Variants in ZNF407 observed in about 807,000 individuals in gnomAD.
ZNF407 encodes zinc finger protein 407.
In ZNF407, 17 loss-of-function variants were observed where a neutral mutation model predicts 131.2. The ratio of observed to expected loss-of-function variants is 0.13; its 90% confidence interval spans 0.09 to 0.19. ZNF407 has a LOEUF of 0.19. Among genes scored for constraint, ZNF407 ranks in the 10% least tolerant of loss-of-function variants. ZNF407 has a pLI of 1.00. For missense variants in ZNF407, 2,681 were observed against 2,830.6 expected (o/e 0.95, Z 1.20); for synonymous variants, 1,156 against 1,062.0 (o/e 1.09, Z -1.72).
chr18:75,046,784 C>G (rs1973440887), intron 8 of ZNF407, among the ~76,000 whole-genome samples: 1 of 151,460 alleles, frequency 6.6e-6, no homozygotes, highest in Non-Finnish European at 1.5e-5. Flanking sequence ...AAAGCCTTAC[C>G]TCACTCCCTC....
intron 8 of ZNF407, among the ~76,000 whole-genome samples, chr18:74,955,364 C>G (rs1322301606): frequency 6.6e-6 from 1 of 151,968 alleles, no homozygotes; most frequent in Non-Finnish European, 1.5e-5. Context: ...GAGAGTTCAA[C>G]CTAGATTTGG....
chr18:74,961,574 G>T (rs1294062174), intron 8 of ZNF407, among the ~76,000 whole-genome samples: 1 of 152,056 alleles, frequency 6.6e-6, no homozygotes, highest in Non-Finnish European at 1.5e-5. Context: ...CAAAAAATTA[G>T]CTGGGTGTGG....
At chr18:74,836,944 T>TG (rs1313075828) in intron 4 of ZNF407, among the ~76,000 whole-genome samples, 2 of 152,112 alleles carry the variant, frequency 1.3e-5, no homozygotes, top group African/African-American at 4.8e-5. Flanking sequence ...CGAAGATCAG[T>TG]GATGAGGCCC....
At chr18:74,731,756 G>A (rs956849980) in intron 3 of ZNF407, among the ~76,000 whole-genome samples, 1 of 152,142 alleles carries the variant, frequency 6.6e-6, no homozygotes, top group Non-Finnish European at 1.5e-5. Flanking sequence ...TCAAAGTCCA[G>A]GATGCAGAAG....
chr18:74,986,980 A>G (rs1315435490), intron 8 of ZNF407, among the ~76,000 whole-genome samples: 3 of 152,300 alleles, frequency 2.0e-5, no homozygotes, highest in Admixed American at 2.0e-4. Context: ...TTTGTTTAAA[A>G]TATTAGGACT....
At position 74,861,173 on chromosome 18, in the gene ZNF407, A is replaced by G. The variant is rs548294409; in HGVS notation, c.4878-16024A>G. Among the ~76,000 whole-genome samples the G allele has an allele frequency of 3.9e-4, 60 of 152,278 alleles. No homozygotes were observed. In the Middle Eastern group the frequency reaches 0.014, roughly 35 times the overall value. On this transcript the variant is annotated intron_variant, in intron 4 of 8. Transcript: ENST00000299687. ...AGAAAAGCTGATAGTCCAAAATTGC[A>G]CTTTAAGCTAAGACAGACTGTCAGT... is the stretch of plus-strand genomic sequence containing the variant.
At chr18:74,962,300 A>G (rs976950227) in intron 8 of ZNF407, among the ~76,000 whole-genome samples, 3 of 152,216 alleles carry the variant, frequency 2.0e-5, no homozygotes, top group African/African-American at 7.2e-5. Context: ...GATTTCCTCA[A>G]ATACCCCAAA....
At chr18:74,932,474 C>G (rs1347745113) in intron 8 of ZNF407, among the ~76,000 whole-genome samples, 1 of 152,128 alleles carries the variant, frequency 6.6e-6, no homozygotes. Flanking sequence ...CTTCGTGTGT[C>G]CATCTTCTCC....
At chr18:75,010,561 T>C (rs542708831) in intron 8 of ZNF407, among the ~76,000 whole-genome samples, 3 of 152,274 alleles carry the variant, frequency 2.0e-5, no homozygotes, top group Admixed American at 6.5e-5. Context: ...CAATCAGATA[T>C]GGTAAATCGG....
intron 3 of ZNF407, among the ~76,000 whole-genome samples, chr18:74,686,308 TC>T (rs1418083466): frequency 1.3e-5 from 2 of 152,342 alleles, no homozygotes; most frequent in African/African-American, 4.8e-5. Flanking sequence ...TTCTCTCAAA[TC>T]TTTTCCATGT....
intron 4 of ZNF407, among the ~76,000 whole-genome samples, chr18:74,788,168 T>G (rs958953601): frequency 3.9e-5 from 6 of 152,222 alleles, no homozygotes; most frequent in South Asian, 2.1e-4. Context: ...TATTTTTTCC[T>G]TATGGGGAAG....
rs1973669749 is a variant in ZNF407 at position 75,063,678 on chromosome 18, C to G, written c.5957C>G (p.Ser1986Cys). The change falls in exon 9 of 9, where the codon TCC (serine) becomes TGC (cysteine). Residue 1986 changes from serine to cysteine, a missense_variant. By Grantham distance (112) the Ser-to-Cys change is moderately radical (BLOSUM62 -1). This residue lies in a region of ZNF407 where 620 missense variants were observed against 583.1 expected (regional missense o/e 1.06). Coordinates refer to ENST00000299687, the MANE Select transcript of ZNF407 (RefSeq NM_017757.3). The surrounding 1 kb of genome is among the most constrained non-coding windows in gnomAD (Gnocchi z 6.6). The stretch of plus-strand genomic sequence containing the variant: ...GCTGGAGTCGCTCCCCCCGAGGCAT[C>G]CTCAGCCCTGGATGCATTGCTCTGT... ...SEAGVAPPEA[S>C]SALDALLCAV... The G allele has an allele frequency of 6.2e-7, 1 of 1,610,676 alleles. No individual in the cohort carries two copies. Among genetic ancestry groups the G allele is most frequent in the African/African-American group, 1.3e-5 (1 of 74,878 alleles).
At chr18:74,847,250 A>AT (rs1341343555) in intron 4 of ZNF407, among the ~76,000 whole-genome samples, 1 of 152,188 alleles carries the variant, frequency 6.6e-6, no homozygotes, top group African/African-American at 2.4e-5. Flanking sequence ...ACAGCTTTGA[A>AT]GGGTGTTTAT....
At chr18:74,751,359 T>C (rs1968796680) in intron 3 of ZNF407, among the ~76,000 whole-genome samples, 2 of 152,196 alleles carry the variant, frequency 1.3e-5, no homozygotes, top group Admixed American at 1.3e-4. Flanking sequence ...GAAAAGTCTA[T>C]TCTTTTTTTT....
intron 3 of ZNF407, among the ~76,000 whole-genome samples, chr18:74,745,808 G>A (rs1043815297): frequency 1.3e-5 from 2 of 152,158 alleles, no homozygotes; most frequent in Admixed American, 6.5e-5. Context: ...GATGTCTGTT[G>A]TAGCGTCTAA....
intron 8 of ZNF407, among the ~76,000 whole-genome samples, chr18:75,008,268 C>T (rs1423153515): frequency 1.3e-5 from 2 of 152,204 alleles, no homozygotes; most frequent in African/African-American, 4.8e-5. Flanking sequence ...TCAGGAGTGG[C>T]CATAGCCATT....
intron 7 of ZNF407, among the ~76,000 whole-genome samples, chr18:74,904,170 G>A (rs190854557): frequency 5.3e-5 from 8 of 152,274 alleles, no homozygotes; most frequent in Admixed American, 3.3e-4. Context: ...TAGCATGTTC[G>A]TTCTTCATCT....
chr18:74,677,884 G>A (rs1340632025), intron 3 of ZNF407, among the ~76,000 whole-genome samples: 2 of 152,024 alleles, frequency 1.3e-5, no homozygotes, highest in African/African-American at 4.8e-5. Flanking sequence ...TGCAGTGGCC[G>A]ATTTTGGCTC....
rs1368584079 is a variant in ZNF407 at position 74,634,275 on chromosome 18, G to T, written c.3256G>T (p.Gly1086Cys). The T allele has an allele frequency of 2.5e-6, 4 of 1,613,886 alleles. No individual in the cohort carries two copies. The highest frequency in any genetic ancestry group is 2.7e-5 in the African/African-American group (2 of 74,934). Residue 1086 changes from glycine (G) to cysteine (C), a missense_variant, in exon 2 of 9, where the codon GGT becomes TGT. Coordinates refer to ENST00000299687, the MANE Select transcript of ZNF407 (RefSeq NM_017757.3). ...SYLNSANVEA[G>C]SADMSKNIIM... Reference sequence around the variant, plus strand: ...TCTCAACTCTGCTAATGTAGAAGCTGGTTCTGCAGACATGTCCAAAAACAT... The same window carrying T: ...TCTCAACTCTGCTAATGTAGAAGCTTGTTCTGCAGACATGTCCAAAAACAT...
Sources: allele counts gnomAD v4.1 joint callset (sites outside exome capture counted in the v4.1 genomes callset), GRCh38; gene constraint gnomAD v4.1.1; regional missense constraint gnomAD v4.1.1; non-coding constraint Gnocchi (gnomAD v3.1); transcripts MANE v1.5; gene names NCBI Gene and HGNC (gene_info 2026-07-23, HGNC 2026-07-21).